FREM2: variants seen among roughly 807,000 people sequenced by gnomAD.
The protein encoded by FREM2 is FRAS1-related extracellular matrix protein 2.
In FREM2, 119 loss-of-function variants were observed where a neutral mutation model predicts 219.9. The observed-to-expected ratio is 0.54, with a 90% confidence interval of 0.47 to 0.63. The LOEUF (loss-of-function observed/expected upper bound fraction) is 0.63. Ranked by LOEUF, FREM2 falls within the 30% of genes least tolerant of loss-of-function variation. The probability of loss-of-function intolerance (pLI) is 0.00; values close to 1 mark genes in which losing one functional copy is unlikely to be tolerated. For synonymous variants in FREM2, 1,562 were observed against 1,522.8 expected, an observed-to-expected ratio of 1.03 and a Z score of -0.60; for missense variants, 4,030 against 3,993.6, an observed-to-expected ratio of 1.01 and a Z score of -0.25.
chr13:38,726,184 A>G (rs1272298185), intron 2 of FREM2, among the ~76,000 whole-genome samples: 1 of 152,142 alleles, frequency 6.6e-6, no homozygotes, highest in African/African-American at 2.4e-5. Context: ...AAAGTGAGGT[A>G]GGGTAAGCAG....
intron 2 of FREM2, among the ~76,000 whole-genome samples, chr13:38,739,987 C>G (rs76125575): frequency 6.6e-6 from 1 of 152,126 alleles, no homozygotes; most frequent in African/African-American, 2.4e-5. Context: ...AATAATTATC[C>G]TTCAGTTTAG....
At position 38,850,935 on chromosome 13, in the gene FREM2, T is replaced by A; in HGVS notation, c.6578-9T>A. 1 of 1,610,700 alleles carries A rather than the reference T, an allele frequency of 6.2e-7. No individual in the cohort carries two copies. Among genetic ancestry groups the A allele is most frequent in the Non-Finnish European group, 8.5e-7 (1 of 1,179,822 alleles). ...GGATGTGATTGACCTGCTGACATTATTGTTCCAGGTGAGACAGAAAAGCCC... is the reference window on the plus strand; with the variant it reads ...GGATGTGATTGACCTGCTGACATTAATGTTCCAGGTGAGACAGAAAAGCCC... On this transcript the variant is annotated splice_polypyrimidine_tract_variant and intron_variant, in intron 9 of 23. Coordinates refer to ENST00000280481, the MANE Select transcript of FREM2 (RefSeq NM_207361.6).
At chr13:38,831,425 C>T (rs1415249551) in intron 6 of FREM2, among the ~76,000 whole-genome samples, 1 of 152,044 alleles carries the variant, frequency 6.6e-6, no homozygotes, top group Non-Finnish European at 1.5e-5. Context: ...AAGAAAGACT[C>T]ACTATGTATT....
rs370751010 is a variant in FREM2, at chr13:38,689,201, T to C, written c.1857T>C (p.His619=). The C allele has an allele frequency of 7.6e-5, 123 of 1,613,960 alleles. No homozygotes were observed. The highest frequency in any genetic ancestry group is 1.0e-4 in the Non-Finnish European group (120 of 1,180,026). The change falls in exon 1 of 24, where the codon CAT becomes CAC. Residue 619 remains histidine (H), a synonymous_variant. Transcript: ENST00000280481. ...TTCTCCGCCAAACTCACCCTCCCCA[T>C]GAGAAGCAGGAACTTCTCAGAGGCC... The part of the protein sequence containing the change: ...HLLLRQTHPP[H]EKQELLRGLW...
chr13:38,718,060 A>G (rs1871082460), intron 2 of FREM2, among the ~76,000 whole-genome samples: 1 of 152,184 alleles, frequency 6.6e-6, no homozygotes, highest in Non-Finnish European at 1.5e-5. Context: ...GTCTTTTTTC[A>G]TATGATATGT....
intron 2 of FREM2, among the ~76,000 whole-genome samples, chr13:38,711,069 T>C (rs192698689): frequency 3.9e-4 from 59 of 152,332 alleles, no homozygotes; most frequent in Non-Finnish European, 2.4e-4. Flanking sequence ...TTTGACTTGG[T>C]TCATGTAATA....
At chr13:38,783,820 G>A (rs115323893) in intron 5 of FREM2, among the ~76,000 whole-genome samples, 95 of 152,316 alleles carry the variant, frequency 6.2e-4, no homozygotes, top group African/African-American at 2.1e-3. Flanking sequence ...TCAGAGGCCG[G>A]GCTCAGTGGC....
At chr13:38,783,958 G>C (rs1465713040) in intron 5 of FREM2, among the ~76,000 whole-genome samples, 1 of 152,242 alleles carries the variant, frequency 6.6e-6, no homozygotes, top group Non-Finnish European at 1.5e-5. Flanking sequence ...AACTGGGCAT[G>C]GTGGCGCGCA....
intron 6 of FREM2, among the ~76,000 whole-genome samples, chr13:38,839,275 GGT>G (rs1488967021): frequency 1.3e-5 from 2 of 152,264 alleles, no homozygotes; most frequent in African/African-American, 4.8e-5. Context: ...CGTTTGCCTG[GGT>G]ATCACCAGCA....
chr13:38,812,298 G>T (rs1875517610), intron 6 of FREM2, among the ~76,000 whole-genome samples: 1 of 152,012 alleles, frequency 6.6e-6, no homozygotes, highest in South Asian at 2.1e-4. Context: ...TACATTTAAG[G>T]TTATTATTGA....
chr13:38,777,411 G>C lies in FREM2; in HGVS notation c.5642-5659G>C, dbSNP rs866948302. ...TTAGGCAGTAATGTGTAGTGGTTAC[G>C]AGCCTGGGCGGGCTCTGACATGGAG... On this transcript the variant is annotated intron_variant, in intron 4 of 23. Coordinates refer to ENST00000280481, the MANE Select transcript of FREM2 (RefSeq NM_207361.6). Among the ~76,000 whole-genome samples the C allele has an allele frequency of 2.6e-5, 4 of 152,182 alleles. No homozygotes were observed. In the East Asian group the frequency reaches 5.8e-4, roughly 22 times the overall value.
chr13:38,847,049 C>A (rs547797001), intron 7 of FREM2, among the ~76,000 whole-genome samples: 1 of 152,016 alleles, frequency 6.6e-6, no homozygotes, highest in Non-Finnish European at 1.5e-5. Context: ...GCAGGAAAAT[C>A]ATCTTACTGC....
At chr13:38,851,547 A>G in intron 10 of FREM2, 139 bp from the exon 11 acceptor site, 2 of 728,896 alleles carry the variant, frequency 2.7e-6, no homozygotes, top group Non-Finnish European at 4.8e-6. Context: ...CACGTCACTA[A>G]TTTTGAGTGA....
At chr13:38,872,617 C>A in intron 16 of FREM2, 125 bp from the exon 17 acceptor site, 1 of 780,008 alleles carries the variant, frequency 1.3e-6, no homozygotes, top group Non-Finnish European at 2.2e-6. Flanking sequence ...AAAATGCTGT[C>A]ATTTCCTCTT....
At position 38,691,948 on chromosome 13, in the gene FREM2, T is replaced by G. The variant is rs761574012; in HGVS notation, c.4604T>G (p.Val1535Gly). The stretch of plus-strand genomic sequence containing the variant: ...AGCGATGTGGACAATAAAAAGCCAG[T>G]GGTCACCATCCACAAGCTGGTTGTC... ...SISDVDNKKP[V>G]VTIHKLVVSE... The change falls in exon 1 of 24, where the codon GTG becomes GGG. Residue 1535 changes from valine (V) to glycine (G), a missense_variant. Val to Gly is a moderately radical substitution (Grantham distance 109). Transcript: ENST00000280481. The G allele has an allele frequency of 2.5e-6, 4 of 1,614,212 alleles. No homozygotes were observed. Among genetic ancestry groups the G allele is most frequent in the South Asian group, 1.1e-5 (1 of 91,092 alleles).
At chr13:38,848,752 A>T (rs932823262) in intron 8 of FREM2, 82 bp downstream of exon 8, 2 of 1,220,192 alleles carry the variant, frequency 1.6e-6, no homozygotes, top group African/African-American at 3.0e-5. Context: ...AAGCAAGATG[A>T]TTATATATAT....
rs1406370128 is a variant in FREM2 at position 38,882,690 on chromosome 13, C to G, written c.*1903C>G. The G allele has an allele frequency of 5.3e-5, 8 of 152,256 alleles. 2 individuals are homozygous for G. The highest frequency in any genetic ancestry group is 5.2e-4 in the Admixed American group (8 of 15,298). 9.4% of individuals were successfully genotyped at this position (152,256 alleles called of 1,614,324 possible). On this transcript the variant is annotated 3_prime_UTR_variant, in exon 24 of 24. Transcript: ENST00000280481. Reference sequence around the variant, plus strand: ...GTAATTTCTTAATCATTCCCCTTTCCTTTGCTTTACCTTCTGGCAGATGCT... The same window carrying G: ...GTAATTTCTTAATCATTCCCCTTTCGTTTGCTTTACCTTCTGGCAGATGCT...
chr13:38,848,779 G>T (rs1877262548), intron 8 of FREM2, 109 bp downstream of exon 8: 11 of 1,010,916 alleles, frequency 1.1e-5, no homozygotes, highest in Non-Finnish European at 1.6e-5. Flanking sequence ...GTTTGCTAGG[G>T]CTTCCATAAC....
intron 2 of FREM2, among the ~76,000 whole-genome samples, chr13:38,705,204 GAA>G (rs2138087724): frequency 6.6e-6 from 1 of 152,168 alleles, no homozygotes; most frequent in Admixed American, 6.5e-5. Context: ...CATATGGGAA[GAA>G]TAAGGTAAGC....
Sources: gnomAD v4.1 joint callset for allele counts (sites outside exome capture counted in the v4.1 genomes callset) on GRCh38, gnomAD v4.1.1 for gene constraint, MANE v1.5 for transcripts, NCBI Gene and HGNC (gene_info 2026-07-23, HGNC 2026-07-21) for gene names.